The following DRGX variants were observed in gnomAD, a reference collection of about 807,000 sequenced individuals.
DRGX encodes dorsal root ganglia homeobox protein.
DRGX carries 21 observed loss-of-function variants against 28.6 expected under a neutral mutation model. The observed-to-expected ratio is 0.73, with a 90% CI of 0.52 to 1.06. DRGX has a LOEUF of 1.06. Among genes scored for constraint, DRGX ranks in the 50% least tolerant of loss-of-function variants. The pLI is 0.00. For missense variants in DRGX, 354 were observed against 343.9 expected, an observed-to-expected ratio of 1.03 and a Z score of -0.23; for synonymous variants, 136 against 139.1, an observed-to-expected ratio of 0.98 and a Z score of 0.16.
chr10:49,388,677 C>T (rs1332573477), intron 4 of DRGX, among the ~76,000 whole-genome samples: 3 of 152,188 alleles, frequency 2.0e-5, no homozygotes, highest in South Asian at 2.1e-4. Context: ...ACTGACAGTT[C>T]GCCTGCTTCT....
intron 6 of DRGX, among the ~76,000 whole-genome samples, chr10:49,373,675 C>T (rs900725600): frequency 2.0e-5 from 3 of 152,204 alleles, no homozygotes; most frequent in Non-Finnish European, 2.9e-5. Context: ...CTGAGTCTTC[C>T]AGCACCTTGA....
chr10:49,368,460 C>G (rs1369799312), intron 6 of DRGX, among the ~76,000 whole-genome samples: 1 of 152,276 alleles, frequency 6.6e-6, no homozygotes, highest in Non-Finnish European at 1.5e-5. Context: ...TTTGGTCAAA[C>G]CCCGAGGCCT....
chr10:49,377,086 G>C (rs962133022), intron 6 of DRGX, among the ~76,000 whole-genome samples: 1 of 152,182 alleles, frequency 6.6e-6, no homozygotes, highest in Non-Finnish European at 1.5e-5. Flanking sequence ...GGAGAGCCTC[G>C]AGGTCTCTGG....
At chr10:49,370,098 G>A (rs1217873316) in intron 6 of DRGX, among the ~76,000 whole-genome samples, 1 of 152,142 alleles carries the variant, frequency 6.6e-6, no homozygotes, top group Non-Finnish European at 1.5e-5. Context: ...CCTGATAGGT[G>A]TGCACTGAGC....
intron 2 of DRGX, 110 bp downstream of exon 2, chr10:49,395,297 T>A: frequency 1.5e-6 from 2 of 1,370,352 alleles, no homozygotes; most frequent in Non-Finnish European, 2.0e-6. Flanking sequence ...GGCAGGCGGC[T>A]GCGCCCCCCG....
intron 6 of DRGX, among the ~76,000 whole-genome samples, chr10:49,381,446 C>T (rs564411125): frequency 3.1e-4 from 48 of 152,398 alleles, no homozygotes; most frequent in Middle Eastern, 3.4e-3. Context: ...GCAGCCACAT[C>T]TTTCTCATGC....
intron 6 of DRGX, among the ~76,000 whole-genome samples, chr10:49,368,046 C>T (rs1192429820): frequency 1.3e-5 from 2 of 152,290 alleles, no homozygotes; most frequent in African/African-American, 4.8e-5. Context: ...GTACCTTCTG[C>T]TCCCCTCAAG....
rs1369209359 is a variant in DRGX at position 49,372,658 on chromosome 10, C to T, written c.527-6277G>A. On this transcript the variant is annotated intron_variant, in intron 6 of 6. Coordinates refer to ENST00000374139, the MANE Select transcript of DRGX (RefSeq NM_001276451.2). ...AGAACCCAAGTTGTCCCGAGTATTCCCCAGAGGACACCATGATGGACACGA... is the reference window on the plus strand; with the variant it reads ...AGAACCCAAGTTGTCCCGAGTATTCTCCAGAGGACACCATGATGGACACGA... Among the ~76,000 whole-genome samples, 3 of 152,158 alleles carry T rather than the reference C, an allele frequency of 2.0e-5. No individual in the cohort carries two copies. In the East Asian group the frequency reaches 5.8e-4, roughly 29 times the overall value.
intron 2 of DRGX, among the ~76,000 whole-genome samples, chr10:49,392,336 T>C (rs1280512144): frequency 6.6e-6 from 1 of 152,210 alleles, no homozygotes; most frequent in African/African-American, 2.4e-5. Flanking sequence ...AGGAAGTTCC[T>C]TTTAGTTATT....
chr10:49,387,244 G>A (rs1454141787), intron 4 of DRGX, among the ~76,000 whole-genome samples: 1 of 152,166 alleles, frequency 6.6e-6, no homozygotes, highest in African/African-American at 2.4e-5. Flanking sequence ...AGACTCACTA[G>A]CTCTTCTGAC....
Position 49,395,458 on chromosome 10 carries a change from G to T in DRGX, c.-18C>A, listed in dbSNP as rs758159114. 5.0e-5 allele frequency: 77 copies of T among 1,549,838 alleles called. No individual in the cohort carries two copies. The highest frequency in any genetic ancestry group is 6.5e-5 in the Non-Finnish European group (75 of 1,146,884). ...TAAAACATCGCCGGCTGTCAGATCGGCTGGACGGCCGAGACCTGGGAGGGT... is the reference window on the plus strand; with the variant it reads ...TAAAACATCGCCGGCTGTCAGATCGTCTGGACGGCCGAGACCTGGGAGGGT... On this transcript the variant is annotated 5_prime_UTR_variant, in exon 2 of 7. Coordinates refer to ENST00000374139, the MANE Select transcript of DRGX (RefSeq NM_001276451.2).
chr10:49,369,985 C>A (rs932734644), intron 6 of DRGX, among the ~76,000 whole-genome samples: 2 of 152,074 alleles, frequency 1.3e-5, no homozygotes, highest in Admixed American at 6.5e-5. Flanking sequence ...ACTCACCGGG[C>A]CTTTGCCTAA....
chr10:49,368,894 T>C (rs1191203552), intron 6 of DRGX, among the ~76,000 whole-genome samples: 1 of 152,224 alleles, frequency 6.6e-6, no homozygotes, highest in East Asian at 1.9e-4. Flanking sequence ...GAGCAGAGAC[T>C]GGTTGGGGCT....
chr10:49,384,302 C>T (rs966491939), intron 6 of DRGX, among the ~76,000 whole-genome samples: 5 of 152,210 alleles, frequency 3.3e-5, no homozygotes, highest in East Asian at 1.9e-4. Context: ...TCTGGAAACA[C>T]GGTATGTCGC....
In DRGX at chr10:49,386,486, G is replaced by T. The variant is rs1259337827; in HGVS notation, c.518C>A (p.Ser173Tyr). ...TYAQALSHVA[S>Y]LKGGPLCSCC... The stretch of plus-strand genomic sequence containing the variant: ...GCCGAACCCAAACTCACCTTTGAGG[G>T]AAGCCACATGGGACAAGGCCTGGGC... The change falls in exon 6 of 7, where the codon TCC (serine) becomes TAC (tyrosine). Residue 173 changes from serine to tyrosine, a missense_variant. By Grantham distance (144) the Ser-to-Tyr change is moderately radical. Coordinates refer to ENST00000374139, the MANE Select transcript of DRGX (RefSeq NM_001276451.2). The T allele has an allele frequency of 1.3e-6, 2 of 1,569,784 alleles. No homozygotes were observed. The highest frequency in any genetic ancestry group is 2.4e-5 in the South Asian group (2 of 84,712).
At chr10:49,390,533 T>C (rs1388699600) in intron 3 of DRGX, among the ~76,000 whole-genome samples, 1 of 152,212 alleles carries the variant, frequency 6.6e-6, no homozygotes, top group Admixed American at 6.5e-5. Context: ...AAAAAAAAAC[T>C]AACAGTCACC....
At chr10:49,395,715 T>A (rs900373527) in intron 1 of DRGX, among the ~76,000 whole-genome samples, 194 bp from the exon 2 acceptor site, 7 of 151,994 alleles carry the variant, frequency 4.6e-5, no homozygotes, top group African/African-American at 1.7e-4. Context: ...TGTGTCCACC[T>A]CCCGGACGGC....
At chr10:49,370,175 C>T (rs746749543) in intron 6 of DRGX, among the ~76,000 whole-genome samples, 46 of 152,076 alleles carry the variant, frequency 3.0e-4, no homozygotes, top group Non-Finnish European at 4.6e-4. Context: ...GAGGCCTAGA[C>T]GAGTGGATCA....
chr10:49,387,675 AAAGACAGAAAG>A (rs746532697), intron 4 of DRGX, among the ~76,000 whole-genome samples: 14 of 151,414 alleles, frequency 9.2e-5, no homozygotes, highest in Non-Finnish European at 1.5e-4. Flanking sequence ...AAAAAAAAAA[AAAGACAGAAAG>A]AAAAGACAGA....
Sources: gnomAD v4.1 joint callset for allele counts (sites outside exome capture counted in the v4.1 genomes callset) on GRCh38, gnomAD v4.1.1 for gene constraint, MANE v1.5 for transcripts, NCBI Gene and HGNC (gene_info 2026-07-23, HGNC 2026-07-21) for gene names.